PRKG1: variants seen among roughly 807,000 people sequenced by gnomAD.
PRKG1 encodes protein kinase cGMP-dependent 1.
In PRKG1, 35 loss-of-function variants were observed where a neutral mutation model predicts 88.1. The ratio of observed to expected loss-of-function variants is 0.40; its 90% CI spans 0.30 to 0.53. The LOEUF is 0.53. Among genes scored for constraint, PRKG1 ranks in the 20% least tolerant of loss-of-function variants. The probability of loss-of-function intolerance (pLI) is 0.59; values close to 1 mark genes in which losing one functional copy is unlikely to be tolerated. For synonymous variants in PRKG1, 303 were observed against 292.5 expected (o/e 1.04, Z -0.37); for missense variants, 540 against 839.8 (o/e 0.64, Z 4.41).
intron 5 of PRKG1, among the ~76,000 whole-genome samples, chr10:52,030,449 C>G (rs1845447494): frequency 6.6e-6 from 1 of 152,196 alleles, no homozygotes; most frequent in Non-Finnish European, 1.5e-5. Context: ...ACTGTAAGCT[C>G]ATAAAAGGCA....
intron 3 of PRKG1, among the ~76,000 whole-genome samples, chr10:51,625,144 T>C (rs1049691267): frequency 1.3e-5 from 2 of 152,152 alleles, no homozygotes; most frequent in African/African-American, 4.8e-5. Context: ...TGTACACGCA[T>C]TGAGACATCA....
intron 2 of PRKG1, among the ~76,000 whole-genome samples, chr10:51,310,700 A>G (rs899307478): frequency 6.6e-6 from 1 of 152,132 alleles, no homozygotes; most frequent in African/African-American, 2.4e-5. Context: ...TCACTTAGAC[A>G]TATGGCCAAT....
intron 1 of PRKG1, among the ~76,000 whole-genome samples, chr10:51,059,147 A>G (rs1843667393): frequency 6.6e-6 from 1 of 152,148 alleles, no homozygotes; most frequent in African/African-American, 2.4e-5. Flanking sequence ...GTCAATAATT[A>G]TGCAATATTT....
intron 6 of PRKG1, among the ~76,000 whole-genome samples, chr10:52,057,518 A>G (rs921457134): frequency 5.3e-5 from 8 of 152,230 alleles, no homozygotes; most frequent in Non-Finnish European, 8.8e-5. Flanking sequence ...GTCACATCAT[A>G]AAATGAACTA....
At chr10:51,624,556 C>T (rs568894521) in intron 3 of PRKG1, among the ~76,000 whole-genome samples, 6 of 152,298 alleles carry the variant, frequency 3.9e-5, no homozygotes, top group African/African-American at 1.4e-4. Flanking sequence ...TCTTTTCTTT[C>T]TCAGCAGAAT....
chr10:51,420,749 A>G (rs1475786847), intron 2 of PRKG1, among the ~76,000 whole-genome samples: 4 of 152,220 alleles, frequency 2.6e-5, no homozygotes, highest in Non-Finnish European at 4.4e-5. Context: ...TTGTTAAAAC[A>G]GAGGTTTAAT....
chr10:51,468,855 TA>T (rs75305941), intron 3 of PRKG1, among the ~76,000 whole-genome samples: 29 of 151,700 alleles, frequency 1.9e-4, no homozygotes, highest in Non-Finnish European at 4.1e-4. Context: ...AAATTGGATT[TA>T]AAAAAAACAT....
At chr10:51,579,139 G>A (rs926355960) in intron 3 of PRKG1, among the ~76,000 whole-genome samples, 49 of 151,674 alleles carry the variant, frequency 3.2e-4, no homozygotes, top group African/African-American at 1.0e-3. Flanking sequence ...GTGCCACCAC[G>A]CCCAGCTAAT....
rs186624476 is a variant in PRKG1, at chr10:52,099,889, G to T, written c.936-33951G>T. Reference sequence around the variant, plus strand: ...TCAAGAACTAAACAGGAGAGTGCTTGTAATGCATTTGGCACAGTGCTTGGC... The same window carrying T: ...TCAAGAACTAAACAGGAGAGTGCTTTTAATGCATTTGGCACAGTGCTTGGC... On this transcript the variant is annotated intron_variant, in intron 7 of 17. Transcript: ENST00000373980. 1.4e-4 allele frequency among the ~76,000 whole-genome samples: 22 copies of T among 152,326 alleles called. No homozygotes were observed. In the East Asian group the frequency reaches 4.1e-3, roughly 28 times the overall value.
At chr10:52,290,200 T>C (rs1294526546) in intron 16 of PRKG1, 24 bp from the exon 17 acceptor site, 4 of 1,607,408 alleles carry the variant, frequency 2.5e-6, no homozygotes, top group African/African-American at 1.3e-5. Context: ...AAAATGTTTT[T>C]ATCAACGTTT....
At chr10:51,685,644 AAT>A (rs1479523236) in intron 3 of PRKG1, among the ~76,000 whole-genome samples, 1 of 152,190 alleles carries the variant, frequency 6.6e-6, no homozygotes, top group Non-Finnish European at 1.5e-5. Context: ...TGTCTATATC[AAT>A]ATGTTATATT....
intron 1 of PRKG1, among the ~76,000 whole-genome samples, chr10:51,031,735 T>C (rs753251615): frequency 5.2e-4 from 79 of 152,172 alleles, no homozygotes; most frequent in Non-Finnish European, 4.4e-4. Flanking sequence ...GTGGTCAAAA[T>C]GCAAGTCCAC....
At chr10:51,488,253 G>A (rs1840603504) in intron 3 of PRKG1, among the ~76,000 whole-genome samples, 1 of 152,076 alleles carries the variant, frequency 6.6e-6, no homozygotes, top group African/African-American at 2.4e-5. Flanking sequence ...TGGAAGTTGA[G>A]CTTTGCATAT....
chr10:52,135,731 A>G (rs1339807717), intron 8 of PRKG1, among the ~76,000 whole-genome samples: 1 of 152,128 alleles, frequency 6.6e-6, no homozygotes, highest in Non-Finnish European at 1.5e-5. Flanking sequence ...TGAACATACA[A>G]TATCGAACAC....
At chr10:51,650,032 C>T (rs1298546603) in intron 3 of PRKG1, among the ~76,000 whole-genome samples, 2 of 152,192 alleles carry the variant, frequency 1.3e-5, no homozygotes, top group Admixed American at 6.5e-5. Flanking sequence ...ACCATCTTCT[C>T]TCTAGGTCTA....
intron 1 of PRKG1, among the ~76,000 whole-genome samples, chr10:51,017,152 T>C (rs918771640): frequency 3.9e-5 from 6 of 152,140 alleles, no homozygotes; most frequent in Non-Finnish European, 7.4e-5. Context: ...ACATCTCCTC[T>C]AAAAAGCCTT....
At chr10:51,973,548 C>T (rs965723772) in intron 5 of PRKG1, among the ~76,000 whole-genome samples, 2 of 152,178 alleles carry the variant, frequency 1.3e-5, no homozygotes, top group African/African-American at 2.4e-5. Flanking sequence ...GTCCTACTTA[C>T]ATCTTTCACT....
intron 1 of PRKG1, among the ~76,000 whole-genome samples, chr10:51,085,626 AGATC>A: frequency 6.6e-6 from 1 of 151,560 alleles, no homozygotes; most frequent in Middle Eastern, 3.4e-3. Context: ...TTTGGCTGGG[AGATC>A]GATTCAGTGA....
chr10:51,659,833 C>G (rs923450945), intron 3 of PRKG1, among the ~76,000 whole-genome samples: 2 of 152,034 alleles, frequency 1.3e-5, no homozygotes, highest in Non-Finnish European at 2.9e-5. Context: ...GAAATGTCTG[C>G]TTCCAACTAT....
Sources: gnomAD v4.1 joint callset for allele counts (sites outside exome capture counted in the v4.1 genomes callset) on GRCh38, gnomAD v4.1.1 for gene constraint, MANE v1.5 for transcripts, NCBI Gene and HGNC (gene_info 2026-07-23, HGNC 2026-07-21) for gene names.